The following CSMD1 variants were observed in gnomAD, a reference collection of about 807,000 sequenced individuals.
CSMD1 encodes the protein CUB and Sushi multiple domains 1.
CSMD1 carries 213 observed loss-of-function variants against 417.5 expected under a neutral mutation model. The observed-to-expected ratio is 0.51, with a 90% CI of 0.46 to 0.57. The LOEUF (loss-of-function observed/expected upper bound fraction) is 0.57. CSMD1 is among the 20% of genes least tolerant of loss of function. The pLI is 0.00. For missense variants in CSMD1, 6,923 were observed against 4,529.7 expected, an observed-to-expected ratio of 1.53 and a Z score of -15.17; for synonymous variants, 2,862 against 1,736.8, an observed-to-expected ratio of 1.65 and a Z score of -16.11.
chr8:4,898,945 T>C (rs568059782), intron 1 of CSMD1, among the ~76,000 whole-genome samples: 4 of 152,150 alleles, frequency 2.6e-5, no homozygotes, highest in Non-Finnish European at 5.9e-5. Flanking sequence ...TATTCTGAGA[T>C]TACAGTTATA....
intron 3 of CSMD1, among the ~76,000 whole-genome samples, chr8:4,347,411 G>C (rs1800835079): frequency 6.6e-6 from 1 of 152,048 alleles, no homozygotes; most frequent in African/African-American, 2.4e-5. Flanking sequence ...TTTAAAATAG[G>C]TAACATTACT....
intron 3 of CSMD1, among the ~76,000 whole-genome samples, chr8:4,036,244 G>C (rs755231825): frequency 2.8e-4 from 42 of 152,138 alleles, no homozygotes; most frequent in Non-Finnish European, 5.3e-4. Flanking sequence ...CAGTTGTTAA[G>C]TCATGCATGA....
intron 1 of CSMD1, among the ~76,000 whole-genome samples, chr8:4,941,984 T>C (rs796588208): frequency 1.3e-5 from 2 of 152,200 alleles, no homozygotes; most frequent in Non-Finnish European, 2.9e-5. Flanking sequence ...TTTTTAAAAG[T>C]CATTTAAAAC....
At chr8:4,531,382 G>C (rs1336720440) in intron 2 of CSMD1, among the ~76,000 whole-genome samples, 2 of 152,164 alleles carry the variant, frequency 1.3e-5, no homozygotes, top group Non-Finnish European at 2.9e-5. Context: ...ATTGGAAAAA[G>C]TCTTGAAGTC....
intron 10 of CSMD1, among the ~76,000 whole-genome samples, chr8:3,571,130 C>T (rs13273515): frequency 0.62 from 94,544 of 152,066 alleles, 29,797 homozygotes; most frequent in African/African-American, 0.72. Context: ...CTCACGACAG[C>T]TGAGGCAAAA....
chr8:3,084,993 A>G (rs1312772903), intron 49 of CSMD1, among the ~76,000 whole-genome samples: 1 of 151,998 alleles, frequency 6.6e-6, no homozygotes, highest in African/African-American at 2.4e-5. Context: ...AATATCTAAA[A>G]GGTGACTAAA....
chr8:3,643,979 G>C (rs999143817), intron 7 of CSMD1, among the ~76,000 whole-genome samples: 2 of 152,172 alleles, frequency 1.3e-5, no homozygotes, highest in Non-Finnish European at 1.5e-5. Flanking sequence ...TAACAGAAGA[G>C]AACACGGTGA....
intron 2 of CSMD1, among the ~76,000 whole-genome samples, chr8:4,633,409 G>A (rs1238582675): frequency 6.6e-6 from 1 of 151,796 alleles, no homozygotes; most frequent in African/African-American, 2.4e-5. Context: ...ACCACGCCCA[G>A]CTAATTTTTT....
intron 23 of CSMD1, among the ~76,000 whole-genome samples, chr8:3,330,441 T>C (rs757405104): frequency 5.3e-5 from 8 of 152,226 alleles, no homozygotes; most frequent in Admixed American, 1.3e-4. Context: ...TCATGTCTTT[T>C]GTGAGAACAT....
chr8:2,973,028 A>C lies in CSMD1; in HGVS notation c.8923+89T>G, dbSNP rs1585074603. 11 of 1,268,904 alleles carry C rather than the reference A, an allele frequency of 8.7e-6. No individual in the cohort carries two copies. The East Asian group carries it at 2.2e-4, about 26-fold the overall frequency. The allele number at this position is 1,268,904 out of a possible 1,614,324, so 78.6% of individuals were successfully genotyped here. On this transcript the variant is annotated intron_variant, in intron 57 of 69. Transcript: ENST00000635120. The stretch of plus-strand genomic sequence containing the variant: ...AATTGTATAAATAGTACAAACCTCT[A>C]GAATTTTTGTAGAATTTTGCCAGGC...
chr8:3,086,950 A>G (rs2129006028), intron 49 of CSMD1, 147 bp downstream of exon 49: 1 of 736,270 alleles, frequency 1.4e-6, no homozygotes, highest in East Asian at 2.7e-5. Flanking sequence ...CATGGCCACT[A>G]GAAGGTTTAA....
intron 5 of CSMD1, among the ~76,000 whole-genome samples, chr8:3,771,803 T>A (rs1278591594): frequency 6.6e-6 from 1 of 152,068 alleles, no homozygotes; most frequent in Non-Finnish European, 1.5e-5. Flanking sequence ...CTGGGAACCC[T>A]TTACTATGAG....
chr8:3,806,029 G>A (rs951419832), intron 5 of CSMD1, among the ~76,000 whole-genome samples: 5 of 152,120 alleles, frequency 3.3e-5, no homozygotes, highest in African/African-American at 1.2e-4. Flanking sequence ...CAGCTTCATT[G>A]CACATTAACT....
At chr8:3,260,848 G>C (rs757068368) in intron 26 of CSMD1, among the ~76,000 whole-genome samples, 1 of 152,142 alleles carries the variant, frequency 6.6e-6, no homozygotes, top group East Asian at 1.9e-4. Flanking sequence ...CCTGTGAAGA[G>C]GATGGAAAGA....
intron 11 of CSMD1, among the ~76,000 whole-genome samples, chr8:3,476,962 G>T (rs1413656563): frequency 6.6e-6 from 1 of 151,286 alleles, no homozygotes; most frequent in African/African-American, 2.4e-5. Flanking sequence ...CAGGGTTTAA[G>T]TTGGGGGAGC....
chr8:4,803,426 C>G (rs572133065), intron 1 of CSMD1, among the ~76,000 whole-genome samples: 107 of 152,114 alleles, frequency 7.0e-4, no homozygotes, highest in Non-Finnish European at 1.4e-3. Context: ...TGTCTCTTGT[C>G]TCTTTTATAG....
intron 3 of CSMD1, among the ~76,000 whole-genome samples, chr8:4,058,345 T>G (rs1798803905): frequency 6.6e-6 from 1 of 152,158 alleles, no homozygotes; most frequent in South Asian, 2.1e-4. Context: ...TGCCTGTTAT[T>G]GGTATATAAG....
intron 52 of CSMD1, among the ~76,000 whole-genome samples, chr8:3,002,559 G>C (rs1270849975): frequency 6.6e-6 from 1 of 152,226 alleles, no homozygotes; most frequent in Non-Finnish European, 1.5e-5. Flanking sequence ...AAAGGCAATA[G>C]TGATGTGAAA....
intron 11 of CSMD1, among the ~76,000 whole-genome samples, chr8:3,489,114 G>C (rs1164242612): frequency 6.6e-6 from 1 of 152,122 alleles, no homozygotes; most frequent in Non-Finnish European, 1.5e-5. Flanking sequence ...CTCTTCAGCA[G>C]TCTTTTAATA....
Sources: allele counts gnomAD v4.1 joint callset (sites outside exome capture counted in the v4.1 genomes callset), GRCh38; gene constraint gnomAD v4.1.1; transcripts MANE v1.5; gene names NCBI Gene and HGNC (gene_info 2026-07-23, HGNC 2026-07-21).